Variants in CLIC5 observed in about 807,000 individuals in gnomAD.
CLIC5 encodes CLIC family member 5, also known as chloride intracellular channel protein 5.
In CLIC5, 20 loss-of-function variants were observed where a neutral mutation model predicts 24.7. The observed-to-expected ratio is 0.81, with a 90% CI of 0.57 to 1.18. The LOEUF (loss-of-function observed/expected upper bound fraction) is 1.18. Among genes scored for constraint, CLIC5 ranks in the 50% most tolerant of loss-of-function variants. The pLI is 0.00. For missense variants in CLIC5, 341 were observed against 326.1 expected (o/e 1.05, Z -0.35); for synonymous variants, 159 against 135.6 (o/e 1.17, Z -1.20).
chr6:45,976,276 G>GT (rs1207781296), intron 1 of CLIC5, among the ~76,000 whole-genome samples: 3 of 152,226 alleles, frequency 2.0e-5, no homozygotes, highest in Non-Finnish European at 4.4e-5. Context: ...TTACTACTGG[G>GT]TGGGACATCG....
At chr6:46,070,585 A>G (rs1019552148) in intron 1 of CLIC5, among the ~76,000 whole-genome samples, 2 of 152,202 alleles carry the variant, frequency 1.3e-5, no homozygotes, top group Admixed American at 6.5e-5. Context: ...ACACAAACAA[A>G]TGGAAAAACA....
chr6:45,993,340 T>C (rs1766010210), intron 1 of CLIC5, among the ~76,000 whole-genome samples: 1 of 152,242 alleles, frequency 6.6e-6, no homozygotes, highest in East Asian at 1.9e-4. Context: ...TGTTTAATAT[T>C]TTATAAATAT....
chr6:46,023,944 C>T (rs137902709), intron 1 of CLIC5, among the ~76,000 whole-genome samples: 9 of 150,992 alleles, frequency 6.0e-5, no homozygotes, highest in Middle Eastern at 7.0e-3. Context: ...CTGACCTACA[C>T]ATCTGATTTT....
chr6:46,018,125 C>G (rs189309439), upstream of CLIC5, among the ~76,000 whole-genome samples: 11 of 152,330 alleles, frequency 7.2e-5, no homozygotes, highest in African/African-American at 2.6e-4. Context: ...GCATGATGCA[C>G]AGACTCAGAA....
chr6:46,011,508 T>C (rs1766809504), intron 1 of CLIC5, among the ~76,000 whole-genome samples: 1 of 152,170 alleles, frequency 6.6e-6, no homozygotes. Flanking sequence ...CAAACTGCCA[T>C]CAGAAGTTTT....
At chr6:46,014,441 A>G (rs1371305981) in intron 1 of CLIC5, 1 of 151,918 alleles carries the variant, frequency 6.6e-6, no homozygotes, top group African/African-American at 2.4e-5. Flanking sequence ...GGCACCAGTG[A>G]CTCTTCCCTT....
rs147544107 is a variant in CLIC5, at chr6:45,882,770, A to G, written c.624-1582T>C. 1.1e-3 allele frequency among the ~76,000 whole-genome samples: 160 copies of G among 152,294 alleles called. 2 individuals are homozygous for G. In the East Asian group the frequency reaches 0.011, roughly 11 times the overall value. Reference sequence around the variant, plus strand: ...GGTATATCTGTTCTAGTCTCTGAAGAGATGTGATTACTTTCCAAAATAATG... The same window carrying G: ...GGTATATCTGTTCTAGTCTCTGAAGGGATGTGATTACTTTCCAAAATAATG... On this transcript the variant is annotated intron_variant, in intron 6 of 6. Transcript: ENST00000644324.
chr6:45,938,938 C>A (rs944827700), intron 4 of CLIC5, among the ~76,000 whole-genome samples: 2 of 151,984 alleles, frequency 1.3e-5, no homozygotes, highest in African/African-American at 4.8e-5. Flanking sequence ...TGTCCTCAGC[C>A]GGGAAAGCAG....
chr6:46,074,175 A>T (rs1362469791), intron 1 of CLIC5, among the ~76,000 whole-genome samples: 1 of 152,232 alleles, frequency 6.6e-6, no homozygotes, highest in African/African-American at 2.4e-5. Context: ...ATATGTATAT[A>T]CTACTGTAAG....
intron 1 of CLIC5, among the ~76,000 whole-genome samples, chr6:45,981,997 C>CAA (rs199678716): frequency 0.087 from 11,629 of 133,466 alleles, 565 homozygotes; most frequent in Admixed American, 0.13. Flanking sequence ...GACTCCATCT[C>CAA]AAAAAAAAAA....
At chr6:45,923,115 T>C (rs1040459605) in intron 4 of CLIC5, among the ~76,000 whole-genome samples, 4 of 152,256 alleles carry the variant, frequency 2.6e-5, no homozygotes, top group East Asian at 1.9e-4. Context: ...ATCGTGCTAA[T>C]AGAAAGTACG....
At chr6:46,120,821 A>G in the CLIC5 span, among the ~76,000 whole-genome samples, 1 of 152,222 alleles carries the variant, frequency 6.6e-6, no homozygotes, top group Admixed American at 6.5e-5. Flanking sequence ...CAACTGGAAG[A>G]AAGGATATCA....
intron 5 of CLIC5, among the ~76,000 whole-genome samples, chr6:45,904,388 T>C (rs1435620055): frequency 1.3e-5 from 2 of 151,954 alleles, no homozygotes; most frequent in Admixed American, 1.3e-4. Context: ...TAATGAGGTC[T>C]CTCTAGCTGC....
chr6:46,011,982 T>C (rs1366772045), intron 1 of CLIC5, among the ~76,000 whole-genome samples: 1 of 152,190 alleles, frequency 6.6e-6, no homozygotes, highest in African/African-American at 2.4e-5. Context: ...TTCAAGTCAG[T>C]GTGTTTACAG....
intron 6 of CLIC5, among the ~76,000 whole-genome samples, chr6:45,890,666 C>G (rs1022511148): frequency 6.6e-6 from 1 of 152,032 alleles, no homozygotes; most frequent in South Asian, 2.1e-4. Context: ...ACCTAAGTGA[C>G]CCGAATCGAC....
the CLIC5 span, among the ~76,000 whole-genome samples, chr6:46,090,405 G>GT: frequency 0.36 from 46,962 of 130,766 alleles, 7,706 homozygotes; most frequent in Middle Eastern, 0.48. Flanking sequence ...AACTTGATGG[G>GT]TTTTTTTTTT....
At chr6:45,884,718 A>C (rs1762289565) in intron 6 of CLIC5, among the ~76,000 whole-genome samples, 1 of 152,184 alleles carries the variant, frequency 6.6e-6, no homozygotes, top group South Asian at 2.1e-4. Context: ...TGGTCATGGC[A>C]GGTAGACTAC....
chr6:46,087,273 A>G, the CLIC5 span, among the ~76,000 whole-genome samples: 1 of 152,210 alleles, frequency 6.6e-6, no homozygotes, highest in Non-Finnish European at 1.5e-5. Flanking sequence ...GAAAACACAA[A>G]AGGGGACATT....
chr6:46,014,597 C>T (rs1231669861), intron 1 of CLIC5: 1 of 152,196 alleles, frequency 6.6e-6, no homozygotes, highest in Admixed American at 6.5e-5. Flanking sequence ...GCTACTCTCC[C>T]GCAGCCTCAG....
Sources: gnomAD v4.1 joint callset for allele counts (sites outside exome capture counted in the v4.1 genomes callset) on GRCh38, gnomAD v4.1.1 for gene constraint, MANE v1.5 for transcripts, NCBI Gene and HGNC (gene_info 2026-07-23, HGNC 2026-07-21) for gene names.